The following NFXL1 variants were observed in gnomAD, a reference collection of about 807,000 sequenced individuals.
NFXL1 encodes the protein nuclear transcription factor, X-box binding like 1.
In NFXL1, 66 loss-of-function variants were observed where a neutral mutation model predicts 123.3. The ratio of observed to expected loss-of-function variants is 0.54; its 90% confidence interval spans 0.44 to 0.66. The LOEUF (loss-of-function observed/expected upper bound fraction) is 0.66. Ranked by LOEUF, NFXL1 falls within the 30% of genes least tolerant of loss-of-function variation. The probability of loss-of-function intolerance (pLI) is 0.00; values close to 1 mark genes in which losing one functional copy is unlikely to be tolerated. For missense variants in NFXL1, 944 were observed against 1,125.6 expected, an observed-to-expected ratio of 0.84 and a Z score of 2.31; for synonymous variants, 346 against 360.8, an observed-to-expected ratio of 0.96 and a Z score of 0.46.
At chr4:47,864,891 A>G (rs937378446) in intron 18 of NFXL1, among the ~76,000 whole-genome samples, 1 of 152,218 alleles carries the variant, frequency 6.6e-6, no homozygotes, top group African/African-American at 2.4e-5. Flanking sequence ...TAGCAAATTA[A>G]TCAAACCCAA....
At chr4:47,912,733 C>T (rs1737897820) in intron 2 of NFXL1, among the ~76,000 whole-genome samples, 1 of 146,178 alleles carries the variant, frequency 6.8e-6, no homozygotes, top group East Asian at 2.1e-4. Flanking sequence ...GCTGGGATTA[C>T]AGGCTTGAGC....
At chr4:47,894,770 T>C (rs2110093831) in intron 10 of NFXL1, among the ~76,000 whole-genome samples, 1 of 152,274 alleles carries the variant, frequency 6.6e-6, no homozygotes, top group East Asian at 1.9e-4. Context: ...GATCAACTTC[T>C]TATGAACTCC....
At chr4:47,864,197 A>G (rs1734923866) in intron 18 of NFXL1, among the ~76,000 whole-genome samples, 1 of 152,160 alleles carries the variant, frequency 6.6e-6, no homozygotes. Context: ...GTTACTCTAT[A>G]CTTAGGAATA....
At chr4:47,871,832 T>C (rs1463356159) in intron 18 of NFXL1, among the ~76,000 whole-genome samples, 3 of 152,174 alleles carry the variant, frequency 2.0e-5, no homozygotes, top group Admixed American at 6.5e-5. Context: ...GGAACAAAAA[T>C]GTTAGCTAAT....
chr4:47,849,033 G>C (rs550879633), intron 22 of NFXL1, among the ~76,000 whole-genome samples: 3 of 152,306 alleles, frequency 2.0e-5, no homozygotes, highest in South Asian at 4.1e-4. Context: ...CTTCTAGCAA[G>C]TGCTGTGATG....
At position 47,914,153 on chromosome 4, in the gene NFXL1, TC is replaced by T; in HGVS notation, c.50del (p.Gly17AspfsTer64). 1 of 1,528,784 alleles carries T rather than the reference TC, an allele frequency of 6.5e-7. No homozygotes were observed. The highest frequency in any genetic ancestry group is 8.8e-7 in the Non-Finnish European group (1 of 1,135,326). The allele number at this position is 1,528,784 out of a possible 1,614,324, so 94.7% of individuals were successfully genotyped here. ...TTCCTGAGGGGGCGGCAGTGGCCCGTCCCCGGGATCGGCCTCGGCCACCGGC... is the reference window on the plus strand; with the variant it reads ...TTCCTGAGGGGGCGGCAGTGGCCCGTCCCGGGATCGGCCTCGGCCACCGGC... The part of the protein sequence containing the change: ...QVAGGRGRSR[G>X]RATAAPSGNG... On this transcript the variant is annotated frameshift_variant, in exon 2 of 23. Coordinates refer to ENST00000507489, the MANE Select transcript of NFXL1 (RefSeq NM_001278624.2). LOFTEE classifies it high-confidence loss of function.
intron 10 of NFXL1, 61 bp from the exon 11 acceptor site, chr4:47,894,363 G>T (rs1578031161): frequency 1.6e-6 from 2 of 1,252,308 alleles, no homozygotes; most frequent in East Asian, 2.7e-5. Flanking sequence ...TCCTCACATT[G>T]CAACTTCTAC....
intron 10 of NFXL1, 42 bp from the exon 11 acceptor site, chr4:47,894,344 A>C: frequency 6.7e-7 from 1 of 1,482,890 alleles, no homozygotes. Flanking sequence ...GATTTTTGTT[A>C]ATATTTTTTC....
chr4:47,859,120 C>T lies in NFXL1; in HGVS notation c.2316+3726G>A, dbSNP rs77920764. On this transcript the variant is annotated intron_variant, in intron 19 of 22. Transcript: ENST00000507489. Reference sequence around the variant, plus strand: ...ATTCACTTAGAGATGAGATGTGTTACCCTTCCCAATCAAAGTGGGACAGGT... The same window carrying T: ...ATTCACTTAGAGATGAGATGTGTTATCCTTCCCAATCAAAGTGGGACAGGT... Among the ~76,000 whole-genome samples the T allele has an allele frequency of 7.4e-3, 1,131 of 152,262 alleles. 12 individuals carry two copies. The highest frequency in any genetic ancestry group is 0.026 in the African/African-American group (1,095 of 41,550).
chr4:47,859,926 A>G (rs1382566578), intron 19 of NFXL1, among the ~76,000 whole-genome samples: 1 of 151,624 alleles, frequency 6.6e-6, no homozygotes, highest in African/African-American at 2.4e-5. Flanking sequence ...GTGAAATATA[A>G]AAAAACTGAA....
At chr4:47,859,852 A>C (rs1290540283) in intron 19 of NFXL1, among the ~76,000 whole-genome samples, 1 of 137,376 alleles carries the variant, frequency 7.3e-6, no homozygotes, top group African/African-American at 2.8e-5. Flanking sequence ...AAAAAAAAAA[A>C]AAAAAAAAAA....
In NFXL1 at chr4:47,905,286, C is replaced by G; in HGVS notation, c.467G>C (p.Gly156Ala). 6.2e-7 allele frequency: 1 copy of G among 1,601,776 alleles called. No homozygotes were observed. Among genetic ancestry groups the G allele is most frequent in the Non-Finnish European group, 8.5e-7 (1 of 1,170,132 alleles). Residue 156 changes from glycine to alanine, a missense_variant, in exon 4 of 23, where the codon GGG (glycine) becomes GCG (alanine). Gly to Ala is a moderately conservative substitution (Grantham distance 60). Coordinates refer to ENST00000507489, the MANE Select transcript of NFXL1 (RefSeq NM_001278624.2). ...AATACAAATTAGGCATGTCATAGCC[C>G]CTGCTTGAAAAGCTTCATTTACATA... is the stretch of plus-strand genomic sequence containing the variant. ...KQYVNEAFQA[G>A]AMTCLICIAS... is the part of the protein sequence containing the mutation.
At chr4:47,856,121 G>A (rs1355642902) in intron 19 of NFXL1, among the ~76,000 whole-genome samples, 1 of 152,018 alleles carries the variant, frequency 6.6e-6, no homozygotes, top group African/African-American at 2.4e-5. Flanking sequence ...CTATTTGTTA[G>A]GGGTTAAATG....
intron 15 of NFXL1, among the ~76,000 whole-genome samples, chr4:47,881,608 A>G (rs771506850): frequency 2.3e-4 from 35 of 152,324 alleles, no homozygotes; most frequent in South Asian, 1.2e-3. Context: ...TTTATTCTTA[A>G]TTGCCAAACT....
At chr4:47,868,456 C>T (rs111967446) in intron 18 of NFXL1, among the ~76,000 whole-genome samples, 1 of 151,366 alleles carries the variant, frequency 6.6e-6, no homozygotes, top group Non-Finnish European at 1.5e-5. Context: ...AAAAGGCAAA[C>T]AAACTCACTG....
chr4:47,871,364 AC>A (rs1735422388), intron 18 of NFXL1, among the ~76,000 whole-genome samples: 2 of 151,148 alleles, frequency 1.3e-5, no homozygotes, highest in Non-Finnish European at 3.0e-5. Context: ...AAAAAAAAAA[AC>A]AAAAACAAAA....
chr4:47,849,523 A>G (rs983964289), intron 22 of NFXL1, among the ~76,000 whole-genome samples: 2 of 152,200 alleles, frequency 1.3e-5, no homozygotes, highest in African/African-American at 4.8e-5. Flanking sequence ...CACACTTGAA[A>G]AAGATCTAAT....
At chr4:47,896,711 C>CTG in intron 9 of NFXL1, 64 bp from the exon 10 acceptor site, 1 of 1,161,970 alleles carries the variant, frequency 8.6e-7, no homozygotes, top group Non-Finnish European at 1.3e-6. Flanking sequence ...AACAAAGTGC[C>CTG]ATGTTCTTCA....
chr4:47,884,529 G>A, intron 14 of NFXL1, 92 bp from the exon 15 acceptor site: 1 of 697,762 alleles, frequency 1.4e-6, no homozygotes, highest in Non-Finnish European at 2.4e-6. Context: ...TGTATCCTCT[G>A]CTCAAGCAGG....
Sources: allele counts gnomAD v4.1 joint callset (sites outside exome capture counted in the v4.1 genomes callset), GRCh38; gene constraint gnomAD v4.1.1; transcripts MANE v1.5; gene names NCBI Gene and HGNC (gene_info 2026-07-23, HGNC 2026-07-21).